SIPA1L2: variants seen among roughly 807,000 people sequenced by gnomAD.
SIPA1L2 encodes signal induced proliferation associated 1 like 2, also known as signal-induced proliferation-associated 1-like protein 2.
Under a neutral mutation model 163.9 loss-of-function variants are expected in SIPA1L2, and 56 were observed. That is an observed-to-expected ratio of 0.34 (90% CI 0.28 to 0.43). SIPA1L2 has a LOEUF of 0.43. SIPA1L2 is among the 20% of genes least tolerant of loss of function. The pLI is 1.00. For synonymous variants in SIPA1L2, 877 were observed against 865.7 expected (o/e 1.01, Z -0.23); for missense variants, 1,974 against 2,193.5 (o/e 0.90, Z 2.00).
chr1:232,623,220 A>T (rs1353296752), intron 1 of SIPA1L2, among the ~76,000 whole-genome samples: 2 of 152,214 alleles, frequency 1.3e-5, no homozygotes, highest in African/African-American at 2.4e-5. Context: ...CCAATCACAT[A>T]CAGACAGAGC....
chr1:232,509,459 G>C (rs917099932), intron 3 of SIPA1L2, among the ~76,000 whole-genome samples: 1 of 152,142 alleles, frequency 6.6e-6, no homozygotes, highest in African/African-American at 2.4e-5. Context: ...AGTTTCCAAA[G>C]AGAAAATCCT....
intron 2 of SIPA1L2, among the ~76,000 whole-genome samples, chr1:232,569,480 T>G (rs1168879130): frequency 6.6e-6 from 1 of 152,118 alleles, no homozygotes; most frequent in African/African-American, 2.4e-5. Context: ...TTCAGAAACT[T>G]GGGCGGGACA....
chr1:232,441,503 G>A (rs1305957886), intron 13 of SIPA1L2, 109 bp from the exon 14 acceptor site: 2 of 938,368 alleles, frequency 2.1e-6, no homozygotes, highest in African/African-American at 3.3e-5. Flanking sequence ...CAGGCTTGTG[G>A]TTCTGGGACT....
At chr1:232,463,044 C>T (rs1664322398) in intron 9 of SIPA1L2, among the ~76,000 whole-genome samples, 1 of 152,024 alleles carries the variant, frequency 6.6e-6, no homozygotes, top group African/African-American at 2.4e-5. Flanking sequence ...ATTTGTGGGG[C>T]CACAAGAAAA....
At chr1:232,583,459 T>C (rs1449476826) in intron 1 of SIPA1L2, among the ~76,000 whole-genome samples, 2 of 152,176 alleles carry the variant, frequency 1.3e-5, no homozygotes, top group African/African-American at 2.4e-5. Context: ...AAGAGTTGAA[T>C]AGTGATACAG....
rs115050364 is a variant in SIPA1L2, at chr1:232,626,288, T to C, written c.-319+3581A>G. On this transcript the variant is annotated intron_variant, in intron 1 of 22. Transcript: ENST00000674635. ...GAAAACAAAAGGTATAGGAACAACA[T>C]GACGAGACAATCTTTAAGGTCCTTT... Among the ~76,000 whole-genome samples the C allele has an allele frequency of 9.7e-3, 1,411 of 145,056 alleles. 15 individuals carry two copies. Among genetic ancestry groups the C allele is most frequent in the African/African-American group, 0.034 (1,320 of 38,718 alleles).
At chr1:232,403,408 T>G in intron 21 of SIPA1L2, 40 bp downstream of exon 21, 2 of 1,597,744 alleles carry the variant, frequency 1.3e-6, no homozygotes, top group African/African-American at 1.3e-5. Flanking sequence ...TAATCATGCC[T>G]GGAACAGCAG....
intron 7 of SIPA1L2, among the ~76,000 whole-genome samples, chr1:232,477,123 C>T (rs1166326893): frequency 6.6e-6 from 1 of 152,182 alleles, no homozygotes; most frequent in Admixed American, 6.5e-5. Context: ...ACAAACAGAA[C>T]ATTCTGATGA....
rs1367854953 is a variant in SIPA1L2, at chr1:232,439,274, G to A, written c.3865C>T (p.Leu1289=). 18 of 1,614,000 alleles carry A rather than the reference G, an allele frequency of 1.1e-5. No homozygotes were observed. The highest frequency in any genetic ancestry group is 1.5e-5 in the Non-Finnish European group (18 of 1,180,050). The change falls in exon 15 of 23, where the codon CTG becomes TTG. Residue 1289 remains leucine, a synonymous_variant. Coordinates refer to ENST00000674635, the MANE Select transcript of SIPA1L2 (RefSeq NM_020808.5). The part of the protein sequence containing the change: ...GPVHLAGSRS[L]IHSRAEQWAD... ...CACTGCTCGGCCCGGCTGTGGATCA[G>A]GGACCTGCTGCCTGCCAGGTGCACA...
At chr1:232,553,602 G>A (rs1015596056) in intron 2 of SIPA1L2, among the ~76,000 whole-genome samples, 2 of 152,166 alleles carry the variant, frequency 1.3e-5, no homozygotes, top group Non-Finnish European at 2.9e-5. Context: ...GCTGCCAGGA[G>A]GCAAGGAGCC....
At chr1:232,461,299 T>G in intron 9 of SIPA1L2, 138 bp from the exon 10 acceptor site, 1 of 1,059,126 alleles carries the variant, frequency 9.4e-7, no homozygotes, top group Non-Finnish European at 1.4e-6. Context: ...CTCTGCCTTT[T>G]CCTCAAACTG....
chr1:232,476,991 A>G (rs929616035), intron 7 of SIPA1L2, among the ~76,000 whole-genome samples: 1 of 152,164 alleles, frequency 6.6e-6, no homozygotes, highest in African/African-American at 2.4e-5. Flanking sequence ...AGACATTTCT[A>G]CCTTTGGTAT....
intron 15 of SIPA1L2, among the ~76,000 whole-genome samples, chr1:232,438,795 C>G (rs1662714386): frequency 6.6e-6 from 1 of 152,078 alleles, no homozygotes; most frequent in Non-Finnish European, 1.5e-5. Flanking sequence ...TTCTCCAAAA[C>G]ACGTAGGGAC....
chr1:232,517,389 C>G (rs1335337121), intron 2 of SIPA1L2, among the ~76,000 whole-genome samples: 1 of 152,176 alleles, frequency 6.6e-6, no homozygotes, highest in Non-Finnish European at 1.5e-5. Flanking sequence ...TTGGGCTCAA[C>G]CCACCACCCA....
intron 1 of SIPA1L2, among the ~76,000 whole-genome samples, chr1:232,609,731 G>A (rs1007544465): frequency 6.6e-6 from 1 of 151,404 alleles, no homozygotes; most frequent in Non-Finnish European, 1.5e-5. Context: ...CTGGGAGGCT[G>A]AGGCAGGAGA....
chr1:232,481,744 G>A (rs1665369529), intron 6 of SIPA1L2, among the ~76,000 whole-genome samples: 1 of 152,184 alleles, frequency 6.6e-6, no homozygotes, highest in Non-Finnish European at 1.5e-5. Flanking sequence ...AGTTAACAGA[G>A]CACCTTAGTG....
intron 19 of SIPA1L2, among the ~76,000 whole-genome samples, chr1:232,407,081 A>T (rs945705880): frequency 6.6e-6 from 1 of 152,252 alleles, no homozygotes; most frequent in Non-Finnish European, 1.5e-5. Flanking sequence ...CCATGCATGT[A>T]AAAAGATAAT....
chr1:232,493,434 T>C, intron 4 of SIPA1L2, 93 bp downstream of exon 4: 1 of 1,413,028 alleles, frequency 7.1e-7, no homozygotes, highest in Non-Finnish European at 9.6e-7. Flanking sequence ...TAAAAAAAAA[T>C]AAATTCAGTA....
At chr1:232,457,727 C>T (rs953412881) in intron 10 of SIPA1L2, among the ~76,000 whole-genome samples, 2 of 152,050 alleles carry the variant, frequency 1.3e-5, no homozygotes, top group East Asian at 1.9e-4. Context: ...CCCCTTAGCC[C>T]CTCCTCTACA....
Sources: gnomAD v4.1 joint callset for allele counts (sites outside exome capture counted in the v4.1 genomes callset) on GRCh38, gnomAD v4.1.1 for gene constraint, MANE v1.5 for transcripts, NCBI Gene and HGNC (gene_info 2026-07-23, HGNC 2026-07-21) for gene names.